The following TMEM243 variants were observed in gnomAD, a reference collection of about 807,000 sequenced individuals.
TMEM243 encodes transmembrane protein 243.
TMEM243 carries 20 observed loss-of-function variants against 15.0 expected under a neutral mutation model. That is an observed-to-expected ratio of 1.33 (90% confidence interval 0.94 to 1.93). TMEM243 has a LOEUF of 1.93. Among genes scored for constraint, TMEM243 ranks in the 30% most tolerant of loss-of-function variants. TMEM243 has a pLI of 0.00. For synonymous variants in TMEM243, 72 were observed against 52.7 expected (o/e 1.37, Z -1.59); for missense variants, 156 against 142.1 (o/e 1.10, Z -0.50).
At chr7:87,212,077 A>G (rs1802792806) in intron 1 of TMEM243, among the ~76,000 whole-genome samples, 1 of 152,198 alleles carries the variant, frequency 6.6e-6, no homozygotes. Context: ...CTTAGTTTTC[A>G]TATTTGTACA....
intron 1 of TMEM243, among the ~76,000 whole-genome samples, chr7:87,209,551 TGA>T (rs142810375): frequency 1.6e-4 from 23 of 143,878 alleles, no homozygotes; most frequent in Admixed American, 8.3e-4. Context: ...TGAGAGACAA[TGA>T]GAGAGACAAT....
intron 1 of TMEM243, chr7:87,218,549 G>A (rs1803268007): frequency 6.6e-6 from 1 of 151,558 alleles, no homozygotes; most frequent in Admixed American, 6.6e-5. Flanking sequence ...CCTTTGGAGA[G>A]TTGAAAGCAC....
At chr7:87,210,803 C>T (rs186457616) in intron 1 of TMEM243, among the ~76,000 whole-genome samples, 1 of 152,224 alleles carries the variant, frequency 6.6e-6, no homozygotes, top group Non-Finnish European at 1.5e-5. Context: ...ATAACGGCTC[C>T]CCCTTGCAGC....
chr7:87,199,853 A>T (rs990384478), intron 1 of TMEM243, among the ~76,000 whole-genome samples: 18 of 152,202 alleles, frequency 1.2e-4, no homozygotes, highest in East Asian at 3.9e-4. Context: ...CACTGGTTAG[A>T]AGTAGTTTCA....
chr7:87,197,827 T>C (rs763174610), intron 3 of TMEM243, 114 bp downstream of exon 3: 2 of 1,560,372 alleles, frequency 1.3e-6, no homozygotes, highest in Non-Finnish European at 8.7e-7. Context: ...AGGGGGAGGA[T>C]GAGGATATAA....
chr7:87,197,628 T>C, intron 3 of TMEM243: 1 of 936,960 alleles, frequency 1.1e-6, no homozygotes, highest in Non-Finnish European at 1.5e-6. Flanking sequence ...CCTTACGTAG[T>C]CCTTGAGTGA....
At chr7:87,211,451 C>T (rs1176943383) in intron 1 of TMEM243, among the ~76,000 whole-genome samples, 1 of 152,196 alleles carries the variant, frequency 6.6e-6, no homozygotes, top group Non-Finnish European at 1.5e-5. Context: ...TGAGCCACAT[C>T]CTACAATTTT....
chr7:87,216,850 C>G (rs1387870454), intron 1 of TMEM243: 1 of 152,228 alleles, frequency 6.6e-6, no homozygotes, highest in Admixed American at 6.5e-5. Flanking sequence ...ACTGACTTCA[C>G]TATTCAACTC....
chr7:87,213,255 T>C (rs1802885300), intron 1 of TMEM243, among the ~76,000 whole-genome samples: 1 of 152,048 alleles, frequency 6.6e-6, no homozygotes, highest in South Asian at 2.1e-4. Context: ...GAGATTACAG[T>C]CCACTGATCT....
intron 1 of TMEM243, among the ~76,000 whole-genome samples, chr7:87,213,567 T>C (rs1802905840): frequency 6.6e-6 from 1 of 152,218 alleles, no homozygotes; most frequent in African/African-American, 2.4e-5. Flanking sequence ...ATCTTAATCA[T>C]AGCTTTATTC....
intron 1 of TMEM243, among the ~76,000 whole-genome samples, chr7:87,213,355 G>A (rs1432425923): frequency 6.6e-6 from 1 of 152,174 alleles, no homozygotes; most frequent in African/African-American, 2.4e-5. Context: ...ACAAAAAAAG[G>A]CAAAGTTGTT....
chr7:87,213,242 C>A (rs1802883515), intron 1 of TMEM243, among the ~76,000 whole-genome samples: 1 of 152,160 alleles, frequency 6.6e-6, no homozygotes, highest in Non-Finnish European at 1.5e-5. Flanking sequence ...GGCCCCACAC[C>A]CAGAGATTAC....
intron 3 of TMEM243, 96 bp downstream of exon 3, chr7:87,197,845 A>G (rs2129218809): frequency 6.3e-7 from 1 of 1,587,836 alleles, no homozygotes; most frequent in Non-Finnish European, 8.6e-7. Flanking sequence ...TAATTAAGAG[A>G]TACCCTTTTG....
At chr7:87,200,430 A>G (rs1024947853) in intron 1 of TMEM243, among the ~76,000 whole-genome samples, 4 of 152,182 alleles carry the variant, frequency 2.6e-5, no homozygotes, top group African/African-American at 9.7e-5. Flanking sequence ...AAATGTGTAG[A>G]GAGACAAAAT....
At chr7:87,201,616 A>C (rs1270492269) in intron 1 of TMEM243, among the ~76,000 whole-genome samples, 1 of 152,252 alleles carries the variant, frequency 6.6e-6, no homozygotes, top group African/African-American at 2.4e-5. Flanking sequence ...AACACTTCAA[A>C]GGACAGTTTG....
intron 2 of TMEM243, chr7:87,198,284 A>T (rs1280623015): frequency 7.7e-6 from 3 of 391,052 alleles, no homozygotes; most frequent in Non-Finnish European, 1.4e-5. Flanking sequence ...ATACTAGCTG[A>T]TGCCAAAATA....
chr7:87,205,427 A>C (rs1473304023), intron 1 of TMEM243, among the ~76,000 whole-genome samples: 4 of 151,564 alleles, frequency 2.6e-5, no homozygotes, highest in Non-Finnish European at 5.9e-5. Context: ...CAGGCTGCAA[A>C]TTTTCCAAAC....
chr7:87,196,333 G>A lies in TMEM243; in HGVS notation c.*303C>T, dbSNP rs117254436. The A allele has an allele frequency of 3.3e-4, 76 of 231,288 alleles. 1 individual carries two copies. Among genetic ancestry groups the A allele is most frequent in the East Asian group, 2.1e-3 (19 of 9,214 alleles). 14.3% of individuals were successfully genotyped at this position (231,288 alleles called of 1,614,324 possible). ...AAAGAATATTTGTCTTAAGATGCAA[G>A]ATTTGTTTTTACATAGCCTTTTGCC... On this transcript the variant is annotated 3_prime_UTR_variant, in exon 4 of 4. Transcript: ENST00000257637.
chr7:87,201,834 T>C (rs1449565982), intron 1 of TMEM243, among the ~76,000 whole-genome samples: 1 of 152,204 alleles, frequency 6.6e-6, no homozygotes, highest in Admixed American at 6.5e-5. Flanking sequence ...AACTTGTCTC[T>C]CCTACCAGAA....
Sources: allele counts gnomAD v4.1 joint callset (sites outside exome capture counted in the v4.1 genomes callset), GRCh38; gene constraint gnomAD v4.1.1; transcripts MANE v1.5; gene names NCBI Gene and HGNC (gene_info 2026-07-23, HGNC 2026-07-21).